BACH2: variants seen among roughly 807,000 people sequenced by gnomAD.
BACH2 encodes the protein BACH transcriptional regulator 2, also known as transcription regulator protein BACH2.
Under a neutral mutation model 61.8 loss-of-function variants are expected in BACH2, and 5 were observed. That is an observed-to-expected ratio of 0.08 (90% CI 0.04 to 0.17). BACH2 has a LOEUF of 0.17. Among genes scored for constraint, BACH2 ranks in the 10% least tolerant of loss-of-function variants. The probability of loss-of-function intolerance (pLI) is 1.00; values close to 1 mark genes in which losing one functional copy is unlikely to be tolerated. For missense variants in BACH2, 824 were observed against 1,091.1 expected, an observed-to-expected ratio of 0.76 and a Z score of 3.45; for synonymous variants, 446 against 440.1, an observed-to-expected ratio of 1.01 and a Z score of -0.17.
chr6:90,033,667 C>A (rs138733923), intron 5 of BACH2, among the ~76,000 whole-genome samples: 343 of 151,678 alleles, frequency 2.3e-3, no homozygotes, highest in African/African-American at 7.9e-3. Context: ...ACAATGCTTT[C>A]AAAATTCTTT....
chr6:90,028,952 A>G (rs1010108771), intron 5 of BACH2, among the ~76,000 whole-genome samples: 37 of 152,198 alleles, frequency 2.4e-4, no homozygotes, highest in Admixed American at 3.9e-4. Context: ...TTTGTTCATT[A>G]ATTCACCAAT....
chr6:90,003,593 T>C (rs1240468124), intron 6 of BACH2, among the ~76,000 whole-genome samples: 1 of 152,186 alleles, frequency 6.6e-6, no homozygotes, highest in East Asian at 1.9e-4. Flanking sequence ...TAGCAGGGTC[T>C]TGACAAATAT....
At chr6:90,283,441 T>A (rs1282758291) in intron 1 of BACH2, among the ~76,000 whole-genome samples, 1 of 151,892 alleles carries the variant, frequency 6.6e-6, no homozygotes, top group Non-Finnish European at 1.5e-5. Flanking sequence ...TGTGGTGCGA[T>A]CTTGGCTCAC....
At chr6:90,138,471 C>T (rs367867109) in intron 4 of BACH2, among the ~76,000 whole-genome samples, 25 of 151,846 alleles carry the variant, frequency 1.6e-4, no homozygotes, top group Admixed American at 6.6e-5. Context: ...TGCACTCCAG[C>T]CTGGGTGACA....
At chr6:89,975,331 G>C (rs1775593729) in intron 6 of BACH2, among the ~76,000 whole-genome samples, 1 of 152,216 alleles carries the variant, frequency 6.6e-6, no homozygotes, top group Admixed American at 6.5e-5. Flanking sequence ...TTCTGTCCTA[G>C]TGGCTGAAGC....
intron 6 of BACH2, among the ~76,000 whole-genome samples, chr6:89,996,606 C>T (rs1776861531): frequency 6.6e-6 from 1 of 152,134 alleles, no homozygotes; most frequent in Non-Finnish European, 1.5e-5. Flanking sequence ...CTTTGCCACA[C>T]CAGTGTCCTC....
chr6:90,056,049 A>T (rs1780329999), intron 5 of BACH2, among the ~76,000 whole-genome samples: 2 of 152,230 alleles, frequency 1.3e-5, no homozygotes, highest in African/African-American at 4.8e-5. Flanking sequence ...AAGGCTAGGA[A>T]GAAACTGCAT....
intron 3 of BACH2, among the ~76,000 whole-genome samples, chr6:90,245,546 A>T (rs140076380): frequency 2.4e-4 from 36 of 152,370 alleles, no homozygotes; most frequent in African/African-American, 8.4e-4. Flanking sequence ...CCTGGTTGAC[A>T]GAACGAGATC....
chr6:90,261,058 A>G (rs1771141407), intron 2 of BACH2, among the ~76,000 whole-genome samples: 1 of 152,230 alleles, frequency 6.6e-6, no homozygotes, highest in African/African-American at 2.4e-5. Context: ...CAGTTGGGCC[A>G]TCAGTCAACT....
At chr6:90,078,723 A>T (rs1781586056) in intron 5 of BACH2, among the ~76,000 whole-genome samples, 1 of 152,136 alleles carries the variant, frequency 6.6e-6, no homozygotes, top group Admixed American at 6.6e-5. Context: ...GGCAGGCAGT[A>T]CTACTTCTGT....
chr6:90,261,724 T>C (rs949514109), intron 2 of BACH2, among the ~76,000 whole-genome samples: 6 of 152,156 alleles, frequency 3.9e-5, no homozygotes, highest in African/African-American at 1.4e-4. Flanking sequence ...TCATTGGTTC[T>C]CTCTGTTCTC....
chr6:90,043,659 C>CT (rs1161584562), intron 5 of BACH2, among the ~76,000 whole-genome samples: 7 of 152,182 alleles, frequency 4.6e-5, no homozygotes, highest in African/African-American at 1.7e-4. Context: ...TGTCACTGAC[C>CT]TTTGTCCTAT....
intron 4 of BACH2, among the ~76,000 whole-genome samples, chr6:90,189,318 T>C (rs1229829671): frequency 6.6e-6 from 1 of 151,904 alleles, no homozygotes; most frequent in East Asian, 1.9e-4. Context: ...ACTTCAAGAG[T>C]GGGCTTCCGG....
intron 4 of BACH2, among the ~76,000 whole-genome samples, chr6:90,201,059 G>A (rs1030872705): frequency 6.6e-6 from 1 of 152,020 alleles, no homozygotes; most frequent in Non-Finnish European, 1.5e-5. Flanking sequence ...ATCTTTTTAT[G>A]TCACTCAGTA....
intron 2 of BACH2, among the ~76,000 whole-genome samples, chr6:90,266,038 T>C (rs889597710): frequency 7.2e-5 from 11 of 152,142 alleles, no homozygotes; most frequent in African/African-American, 2.7e-4. Flanking sequence ...TATACTGTCA[T>C]ATGCCCAGGT....
At chr6:90,092,533 G>A (rs979281236) in intron 4 of BACH2, among the ~76,000 whole-genome samples, 8 of 151,722 alleles carry the variant, frequency 5.3e-5, no homozygotes, top group Non-Finnish European at 1.2e-4. Context: ...TCACTGCCTC[G>A]GAGCCTACTA....
At chr6:90,275,176 A>G (rs554327996) in intron 1 of BACH2, among the ~76,000 whole-genome samples, 24 of 152,238 alleles carry the variant, frequency 1.6e-4, no homozygotes, top group Non-Finnish European at 3.4e-4. Context: ...TGGAGAGAAA[A>G]CAGGAAAAAA....
chr6:90,073,997 C>T (rs758436084), intron 5 of BACH2, among the ~76,000 whole-genome samples: 8 of 152,150 alleles, frequency 5.3e-5, no homozygotes, highest in South Asian at 2.1e-4. Context: ...GGAAGAGGTG[C>T]CGCATTTCCT....
At position 90,226,190 on chromosome 6, in the gene BACH2, T is replaced by G. The variant is rs77592539; in HGVS notation, c.-274-19509A>C. Among the ~76,000 whole-genome samples the G allele has an allele frequency of 2.1e-3, 313 of 152,284 alleles. 2 individuals are homozygous for G. Among genetic ancestry groups the G allele is most frequent in the Admixed American group, 5.3e-3 (81 of 15,300 alleles). ...GGTGGTGGCCACAGCATGAATAGCT[T>G]TATGATCACAGCAAGGCTTTGGCTC... On this transcript the variant is annotated intron_variant, in intron 3 of 8. Coordinates refer to ENST00000257749, the MANE Select transcript of BACH2 (RefSeq NM_021813.4).
Sources: gnomAD v4.1 joint callset for allele counts (sites outside exome capture counted in the v4.1 genomes callset) on GRCh38, gnomAD v4.1.1 for gene constraint, MANE v1.5 for transcripts, NCBI Gene and HGNC (gene_info 2026-07-23, HGNC 2026-07-21) for gene names.